The following RTTN variants were observed in gnomAD, a reference collection of about 807,000 sequenced individuals.
RTTN encodes the protein rotatin.
In RTTN, 182 loss-of-function variants were observed where a neutral mutation model predicts 269.2. The ratio of observed to expected loss-of-function variants is 0.68; its 90% CI spans 0.60 to 0.76. RTTN has a LOEUF of 0.76. RTTN is among the 30% of genes least tolerant of loss of function. The probability of loss-of-function intolerance (pLI) is 0.00; values close to 1 mark genes in which losing one functional copy is unlikely to be tolerated. For synonymous variants in RTTN, 1,006 were observed against 963.5 expected, an observed-to-expected ratio of 1.04 and a Z score of -0.82; for missense variants, 2,545 against 2,608.6, an observed-to-expected ratio of 0.98 and a Z score of 0.53.
intron 14 of RTTN, among the ~76,000 whole-genome samples, chr18:70,151,370 G>A (rs1029300846): frequency 2.9e-4 from 44 of 151,402 alleles, no homozygotes; most frequent in African/African-American, 9.9e-4. Flanking sequence ...ATGTGATAGA[G>A]AATAGTATTT....
intron 28 of RTTN, among the ~76,000 whole-genome samples, chr18:70,093,154 A>G (rs2058898866): frequency 6.6e-6 from 1 of 152,104 alleles, no homozygotes; most frequent in Non-Finnish European, 1.5e-5. Flanking sequence ...GCGGTGAGCT[A>G]TGATTGCACC....
At position 70,184,703 on chromosome 18, in the gene RTTN, G is replaced by GTTTTTTTTTTTT. The variant is rs374636456; in HGVS notation, c.1305+3393_1305+3404dup. 3.4e-4 allele frequency among the ~76,000 whole-genome samples: 9 copies of GTTTTTTTTTTTT among 26,376 alleles called. 1 individual carries two copies. The Admixed American group carries it at 4.4e-3, about 13-fold the overall frequency. 17.3% of individuals were successfully genotyped at this position (26,376 alleles called of 152,430 possible). ...TCAATTCCATTCAAAACCACAGCAG[G>GTTTTTTTTTTTT]TTTTTTTTTTTTTTGTGTGTGTGTG... On this transcript the variant is annotated intron_variant, in intron 10 of 48. Transcript: ENST00000640769.
chr18:70,051,817 A>C (rs1030778807), intron 38 of RTTN, among the ~76,000 whole-genome samples: 5 of 152,180 alleles, frequency 3.3e-5, no homozygotes, highest in African/African-American at 1.2e-4. Context: ...AAGAACAATC[A>C]GAAGGTGTGA....
chr18:70,024,879 G>A, intron 43 of RTTN, 31 bp from the exon 44 acceptor site: 3 of 1,603,426 alleles, frequency 1.9e-6, no homozygotes, highest in Non-Finnish European at 8.5e-7. Flanking sequence ...GACAGCATTA[G>A]TCTGAATATA....
chr18:70,105,191 G>A (rs2145398820), intron 28 of RTTN, among the ~76,000 whole-genome samples: 1 of 152,280 alleles, frequency 6.6e-6, no homozygotes, highest in Middle Eastern at 3.4e-3. Context: ...TCAAGCCTCA[G>A]CAATGGCGGA....
chr18:70,066,471 G>C (rs1181666675), intron 34 of RTTN, among the ~76,000 whole-genome samples: 2 of 152,144 alleles, frequency 1.3e-5, no homozygotes, highest in Admixed American at 6.5e-5. Flanking sequence ...TGGAAAGCAA[G>C]TACAATTTCA....
At chr18:70,011,098 A>T (rs1397822533) in intron 46 of RTTN, among the ~76,000 whole-genome samples, 1 of 152,228 alleles carries the variant, frequency 6.6e-6, no homozygotes, top group African/African-American at 2.4e-5. Context: ...AGTAATTAAT[A>T]GCCTACCAAC....
chr18:70,033,240 A>G (rs1213080193), intron 40 of RTTN, among the ~76,000 whole-genome samples: 2 of 152,222 alleles, frequency 1.3e-5, no homozygotes, highest in Non-Finnish European at 2.9e-5. Context: ...CCAGAAGCTG[A>G]GTAGATGCCA....
intron 40 of RTTN, among the ~76,000 whole-genome samples, chr18:70,046,114 T>C (rs548226917): frequency 1.3e-5 from 2 of 152,266 alleles, no homozygotes; most frequent in East Asian, 3.9e-4. Context: ...CATGGATCCA[T>C]ATGCATCATG....
chr18:70,140,619 T>G (rs556972434), intron 19 of RTTN, among the ~76,000 whole-genome samples: 1 of 152,262 alleles, frequency 6.6e-6, no homozygotes, highest in East Asian at 1.9e-4. Flanking sequence ...TGAACATTTT[T>G]CTATCTATAA....
rs367848114 is a variant in RTTN, at chr18:70,060,052, A to C, written c.4748-10T>G. On this transcript the variant is annotated splice_polypyrimidine_tract_variant and intron_variant, in intron 35 of 48. Coordinates refer to ENST00000640769, the MANE Select transcript of RTTN (RefSeq NM_173630.4). The stretch of plus-strand genomic sequence containing the variant: ...GTACTTTCCTGGTGACCTATTATTG[A>C]AAATAAACATAAGAATTATTATTTA... 84 of 1,593,220 alleles carry C rather than the reference A, an allele frequency of 5.3e-5. No individual in the cohort carries two copies. The highest frequency in any genetic ancestry group is 7.1e-5 in the Non-Finnish European group (83 of 1,168,822).
At chr18:70,079,860 C>T (rs1456002132) in intron 32 of RTTN, among the ~76,000 whole-genome samples, 2 of 151,948 alleles carry the variant, frequency 1.3e-5, no homozygotes, top group Non-Finnish European at 2.9e-5. Flanking sequence ...AGTGTCAGTG[C>T]TAATATACCC....
chr18:70,053,045 A>G (rs2057719253), intron 38 of RTTN, among the ~76,000 whole-genome samples: 1 of 152,130 alleles, frequency 6.6e-6, no homozygotes, highest in Admixed American at 6.5e-5. Context: ...TACACAGACC[A>G]CCTTTTGCTA....
chr18:70,063,965 C>CTTTTTTTTTTT (rs35413593), intron 35 of RTTN, among the ~76,000 whole-genome samples: 2 of 131,212 alleles, frequency 1.5e-5, no homozygotes, highest in African/African-American at 2.9e-5. Flanking sequence ...CTTTTATATG[C>CTTTTTTTTTTT]TTTTTTTTTT....
chr18:70,071,242 A>C, intron 34 of RTTN, among the ~76,000 whole-genome samples: 1 of 152,224 alleles, frequency 6.6e-6, no homozygotes, highest in East Asian at 1.9e-4. Flanking sequence ...TATGAAGTGT[A>C]AAAATTCTCT....
intron 46 of RTTN, among the ~76,000 whole-genome samples, chr18:70,011,708 T>C (rs1033617231): frequency 6.6e-6 from 1 of 152,202 alleles, no homozygotes; most frequent in Non-Finnish European, 1.5e-5. Flanking sequence ...TTACCACTCC[T>C]GTTCAACACA....
intron 3 of RTTN, among the ~76,000 whole-genome samples, chr18:70,202,290 C>A (rs12327534): frequency 0.016 from 2,464 of 152,268 alleles, 61 homozygotes; most frequent in African/African-American, 0.056. Flanking sequence ...ACTTCCTAAT[C>A]CATCTCCCTC....
chr18:70,114,423 C>A, intron 27 of RTTN, 22 bp downstream of exon 27: 1 of 1,602,430 alleles, frequency 6.2e-7, no homozygotes, highest in Non-Finnish European at 8.5e-7. Context: ...TGCACCTAAA[C>A]CTGCAATATT....
intron 17 of RTTN, 52 bp downstream of exon 17, chr18:70,148,849 C>A: frequency 6.2e-7 from 1 of 1,603,232 alleles, no homozygotes. Context: ...ACTATACTTT[C>A]TTAGCATGTT....
Sources: gnomAD v4.1 joint callset for allele counts (sites outside exome capture counted in the v4.1 genomes callset) on GRCh38, gnomAD v4.1.1 for gene constraint, MANE v1.5 for transcripts, NCBI Gene and HGNC (gene_info 2026-07-23, HGNC 2026-07-21) for gene names.